PLCG2: variants seen among roughly 807,000 people sequenced by gnomAD.
PLCG2 encodes 1-phosphatidylinositol 4,5-bisphosphate phosphodiesterase gamma-2.
In PLCG2, 69 loss-of-function variants were observed where a neutral mutation model predicts 175.6. The ratio of observed to expected loss-of-function variants is 0.39; its 90% confidence interval spans 0.32 to 0.48. The LOEUF (loss-of-function observed/expected upper bound fraction) is 0.48. Among genes scored for constraint, PLCG2 ranks in the 20% least tolerant of loss-of-function variants. The probability of loss-of-function intolerance (pLI) is 0.91; values close to 1 mark genes in which losing one functional copy is unlikely to be tolerated. For missense variants in PLCG2, 1,798 were observed against 1,650.9 expected, an observed-to-expected ratio of 1.09 and a Z score of -1.54; for synonymous variants, 827 against 624.0, an observed-to-expected ratio of 1.33 and a Z score of -4.85.
At chr16:81,840,246 C>T (rs1028349910) in intron 2 of PLCG2, among the ~76,000 whole-genome samples, 1 of 152,170 alleles carries the variant, frequency 6.6e-6, no homozygotes, top group South Asian at 2.1e-4. Context: ...CAGCTGGCCC[C>T]TGAGCTGCCC....
intron 2 of PLCG2, among the ~76,000 whole-genome samples, chr16:81,761,337 C>G (rs950399650): frequency 3.9e-5 from 6 of 152,176 alleles, no homozygotes; most frequent in South Asian, 4.1e-4. Flanking sequence ...TACACTCCAG[C>G]CTGGGCAACA....
intron 2 of PLCG2, among the ~76,000 whole-genome samples, chr16:81,818,478 A>C (rs1420622599): frequency 3.3e-5 from 5 of 152,072 alleles, no homozygotes; most frequent in Non-Finnish European, 7.4e-5. Context: ...TGCTGTCTGC[A>C]TGGGTGAATG....
intron 2 of PLCG2, among the ~76,000 whole-genome samples, chr16:81,786,791 A>G (rs1346056147): frequency 6.6e-6 from 1 of 152,168 alleles, no homozygotes; most frequent in Non-Finnish European, 1.5e-5. Context: ...CACTTAAGCA[A>G]TTTTCAGTTG....
At chr16:81,803,367 C>T (rs1052821916) in intron 2 of PLCG2, among the ~76,000 whole-genome samples, 6 of 151,876 alleles carry the variant, frequency 4.0e-5, no homozygotes, top group Non-Finnish European at 8.8e-5. Flanking sequence ...ACATAAGGTT[C>T]GTTCATATTG....
At chr16:81,799,484 G>A (rs1433739898) in intron 2 of PLCG2, among the ~76,000 whole-genome samples, 1 of 152,106 alleles carries the variant, frequency 6.6e-6, no homozygotes, top group Non-Finnish European at 1.5e-5. Flanking sequence ...GTGTGCAGTG[G>A]TGTGACCATA....
chr16:81,760,258 G>A (rs1445017057), intron 2 of PLCG2, among the ~76,000 whole-genome samples: 1 of 152,188 alleles, frequency 6.6e-6, no homozygotes. Flanking sequence ...GGGATTGCTC[G>A]AGTAGAGCAG....
At chr16:81,772,070 A>G (rs117323074) in intron 2 of PLCG2, among the ~76,000 whole-genome samples, 2 of 152,202 alleles carry the variant, frequency 1.3e-5, no homozygotes, top group Admixed American at 1.3e-4. Context: ...GGTGTGAGCC[A>G]CTGGTGCAAG....
chr16:81,880,924 C>A lies in PLCG2; in HGVS notation c.663C>A (p.Phe221Leu), dbSNP rs772362007. The stretch of plus-strand genomic sequence containing the variant: ...TTCCATTTCAGATTCTCGATGAATT[C>A]AAAAAGGATTCGTCCGTGTTCATCC... ...FEQQKSILDE[F>L]KKDSSVFILG... The change falls in exon 8 of 33, where the codon TTC (phenylalanine) becomes TTA (leucine). Residue 221 changes from phenylalanine to leucine, a missense_variant. Coordinates refer to ENST00000564138, the MANE Select transcript of PLCG2 (RefSeq NM_002661.5). 6.2e-7 allele frequency: 1 copy of A among 1,614,094 alleles called. No individual in the cohort carries two copies. The highest frequency in any genetic ancestry group is 8.5e-7 in the Non-Finnish European group (1 of 1,179,964).
chr16:81,843,816 G>A (rs569869442), intron 2 of PLCG2, among the ~76,000 whole-genome samples: 1 of 152,352 alleles, frequency 6.6e-6, no homozygotes, highest in South Asian at 2.1e-4. Context: ...TGGGATGAAA[G>A]AAGAACTCAA....
chr16:81,894,454 G>C (rs1398324820), intron 12 of PLCG2, among the ~76,000 whole-genome samples: 1 of 151,822 alleles, frequency 6.6e-6, no homozygotes, highest in Non-Finnish European at 1.5e-5. Flanking sequence ...AGAAGGGTCA[G>C]GTGGCATCTC....
At chr16:81,891,752 T>C (rs1435994036) in intron 11 of PLCG2, among the ~76,000 whole-genome samples, 162 bp downstream of exon 11, 1 of 152,196 alleles carries the variant, frequency 6.6e-6, no homozygotes, top group Non-Finnish European at 1.5e-5. Context: ...TGGAAGGGGC[T>C]GGGAACACAC....
chr16:81,909,073 C>A (rs1016714911), intron 17 of PLCG2, among the ~76,000 whole-genome samples: 4 of 152,228 alleles, frequency 2.6e-5, no homozygotes, highest in Non-Finnish European at 5.9e-5. Flanking sequence ...ACCCACTTAT[C>A]CATGTCTCAG....
chr16:81,760,665 C>T (rs1359047804), intron 2 of PLCG2, among the ~76,000 whole-genome samples: 3 of 151,352 alleles, frequency 2.0e-5, no homozygotes, highest in African/African-American at 7.3e-5. Flanking sequence ...AATCCCAACC[C>T]TTTGGGAGGT....
intron 5 of PLCG2, among the ~76,000 whole-genome samples, chr16:81,865,708 G>T (rs983625662): frequency 6.6e-6 from 1 of 151,390 alleles, no homozygotes; most frequent in South Asian, 2.1e-4. Flanking sequence ...AGCATGAGAG[G>T]ACGCTGGCCT....
At chr16:81,930,493 A>T (rs1910454645) in intron 24 of PLCG2, among the ~76,000 whole-genome samples, 1 of 152,046 alleles carries the variant, frequency 6.6e-6, no homozygotes, top group Non-Finnish European at 1.5e-5. Flanking sequence ...CATTCCTGTA[A>T]TCCCAGCACT....
At position 81,859,099 on chromosome 16, in the gene PLCG2, C is replaced by G. The variant is rs2143490719; in HGVS notation, c.432-17C>G. 6.0e-6 allele frequency: 9 copies of G among 1,504,436 alleles called. No individual in the cohort carries two copies. The highest frequency in any genetic ancestry group is 2.3e-5 in the East Asian group (1 of 44,344). The allele number at this position is 1,504,436 out of a possible 1,614,324, so 93.2% of individuals were successfully genotyped here. The stretch of plus-strand genomic sequence containing the variant: ...TTTTCTCTTTCTCTCTTTCTTTTGT[C>G]TCATATTTCTTTCCAGTTGGCTGAG... On this transcript the variant is annotated splice_polypyrimidine_tract_variant and intron_variant, in intron 4 of 32. Transcript: ENST00000564138.
chr16:81,824,699 G>T (rs144667401), intron 2 of PLCG2, among the ~76,000 whole-genome samples: 145 of 152,328 alleles, frequency 9.5e-4, no homozygotes, highest in African/African-American at 3.4e-3. Context: ...TCTCGTAGCT[G>T]CCATGTGACC....
chr16:81,808,517 G>A (rs901991328), intron 2 of PLCG2, among the ~76,000 whole-genome samples: 8 of 151,820 alleles, frequency 5.3e-5, no homozygotes, highest in Non-Finnish European at 1.0e-4. Flanking sequence ...TTTTTGAGAT[G>A]GAGTCTCCCT....
chr16:81,833,890 G>T (rs1456804325), intron 2 of PLCG2, among the ~76,000 whole-genome samples: 1 of 152,172 alleles, frequency 6.6e-6, no homozygotes, highest in Non-Finnish European at 1.5e-5. Context: ...CGATGGGAGT[G>T]CTGAATGCTT....
Sources: allele counts gnomAD v4.1 joint callset (sites outside exome capture counted in the v4.1 genomes callset), GRCh38; gene constraint gnomAD v4.1.1; transcripts MANE v1.5; gene names NCBI Gene and HGNC (gene_info 2026-07-23, HGNC 2026-07-21).